Variants in ERN1 observed in about 807,000 individuals in gnomAD.
The protein encoded by ERN1 is endoplasmic reticulum to nucleus signaling 1.
Under a neutral mutation model 113.1 loss-of-function variants are expected in ERN1, and 39 were observed. The ratio of observed to expected loss-of-function variants is 0.34; its 90% confidence interval spans 0.27 to 0.45. The LOEUF is 0.45. Among genes scored for constraint, ERN1 ranks in the 20% least tolerant of loss-of-function variants. The probability of loss-of-function intolerance (pLI) is 1.00; values close to 1 mark genes in which losing one functional copy is unlikely to be tolerated. For missense variants in ERN1, 976 were observed against 1,274.8 expected (o/e 0.77, Z 3.57); for synonymous variants, 507 against 515.9 (o/e 0.98, Z 0.23).
At chr17:64,053,786 AC>A (rs1280358890) in intron 15 of ERN1, among the ~76,000 whole-genome samples, 1 of 152,166 alleles carries the variant, frequency 6.6e-6, no homozygotes, top group Non-Finnish European at 1.5e-5. Flanking sequence ...AGACATGCCA[AC>A]TGCAAGCAGA....
intron 10 of ERN1, among the ~76,000 whole-genome samples, chr17:64,061,301 G>A (rs1265848252): frequency 6.6e-6 from 1 of 152,194 alleles, no homozygotes; most frequent in Non-Finnish European, 1.5e-5. Flanking sequence ...CTAAAAATGA[G>A]TCCACATACT....
intron 1 of ERN1, among the ~76,000 whole-genome samples, chr17:64,104,878 A>C (rs1340122757): frequency 6.6e-6 from 1 of 152,122 alleles, no homozygotes; most frequent in Non-Finnish European, 1.5e-5. Flanking sequence ...CCTCTAAGTC[A>C]ATGGCAAGAT....
chr17:64,119,335 T>C (rs1165395075), intron 1 of ERN1, among the ~76,000 whole-genome samples: 1 of 150,292 alleles, frequency 6.7e-6, no homozygotes, highest in Non-Finnish European at 1.5e-5. Context: ...AATGATATAG[T>C]ACAGTAGAGA....
intron 1 of ERN1, among the ~76,000 whole-genome samples, chr17:64,112,205 T>C (rs1007035660): frequency 1.3e-5 from 2 of 151,804 alleles, no homozygotes; most frequent in African/African-American, 4.8e-5. Flanking sequence ...CCATCTCTAT[T>C]AAATACTCAA....
At chr17:64,047,349 G>T (rs765520717) in intron 19 of ERN1, among the ~76,000 whole-genome samples, 7 of 152,102 alleles carry the variant, frequency 4.6e-5, no homozygotes, top group Admixed American at 1.3e-4. Flanking sequence ...GTAACGGAGT[G>T]AAACGCTGTC....
At chr17:64,050,402 T>C (rs554934488) in intron 17 of ERN1, among the ~76,000 whole-genome samples, 47 of 152,312 alleles carry the variant, frequency 3.1e-4, no homozygotes, top group African/African-American at 9.9e-4. Context: ...CCCAAACTTA[T>C]TATTGCCACT....
At chr17:64,099,066 G>T (rs1914310565) in intron 1 of ERN1, among the ~76,000 whole-genome samples, 3 of 152,016 alleles carry the variant, frequency 2.0e-5, no homozygotes, top group South Asian at 2.1e-4. Flanking sequence ...TACTCATGAC[G>T]TCCCATTTAT....
intron 17 of ERN1, among the ~76,000 whole-genome samples, chr17:64,050,876 G>C (rs1912662048): frequency 6.6e-6 from 1 of 152,172 alleles, no homozygotes; most frequent in Non-Finnish European, 1.5e-5. Context: ...CTGGTCCCCA[G>C]TGAGCTGGAT....
Position 64,047,970 on chromosome 17 carries a change from C to T in ERN1, c.2417G>A (p.Arg806His), listed in dbSNP as rs775768349. 1.9e-5 allele frequency: 30 copies of T among 1,612,152 alleles called. No homozygotes were observed. The highest frequency in any genetic ancestry group is 1.5e-4 in the South Asian group (14 of 90,872). Residue 806 changes from arginine (R) to histidine (H), a missense_variant, in exon 19 of 22, where the codon CGT becomes CAT. Transcript: ENST00000433197. ...HPEKHEDVIARELIEKMIAMD... is the reference protein window; with the variant it reads ...HPEKHEDVIAHELIEKMIAMD... ...CGCAATCATCTTCTCTATCAATTCA[C>T]GTGCAATGACGTCTTCTATAAAGGA...
In ERN1 at chr17:64,049,176, T is replaced by C; in HGVS notation, c.2280A>G (p.Ala760=). Reference sequence around the variant, plus strand: ...AGATTACGTAGTAAAAGACGCAGCCTGCAGAAAAGATGTCCACCGTGTAGG... The same window carrying C: ...AGATTACGTAGTAAAAGACGCAGCCCGCAGAAAAGATGTCCACCGTGTAGG... The part of the protein sequence containing the change: ...NPTYTVDIFS[A]GCVFYYVISE... The change falls in exon 18 of 22, where the codon GCA becomes GCG. Residue 760 remains alanine, a synonymous_variant. Coordinates refer to ENST00000433197, the MANE Select transcript of ERN1 (RefSeq NM_001433.5). The surrounding 1 kb of genome is among the most constrained non-coding windows in gnomAD (Gnocchi z 4.7). The C allele has an allele frequency of 6.2e-7, 1 of 1,601,790 alleles. No individual in the cohort carries two copies. Among genetic ancestry groups the C allele is most frequent in the African/African-American group, 1.3e-5 (1 of 74,756 alleles).
intron 1 of ERN1, among the ~76,000 whole-genome samples, chr17:64,126,932 G>C (rs141177310): frequency 6.6e-6 from 1 of 151,898 alleles, no homozygotes; most frequent in East Asian, 1.9e-4. Context: ...TAAAAAAAAA[G>C]GTACTTTGCC....
chr17:64,078,345 G>A (rs1253372674), intron 4 of ERN1, among the ~76,000 whole-genome samples: 1 of 152,052 alleles, frequency 6.6e-6, no homozygotes, highest in Non-Finnish European at 1.5e-5. Flanking sequence ...CTTCCATTGG[G>A]CTGTCTTTTT....
At chr17:64,119,535 C>T (rs938462317) in intron 1 of ERN1, among the ~76,000 whole-genome samples, 4 of 151,156 alleles carry the variant, frequency 2.6e-5, no homozygotes, top group Admixed American at 2.0e-4. Flanking sequence ...ATTACAGGCA[C>T]GCGCCACCAC....
At chr17:64,115,703 T>C (rs1381295673) in intron 1 of ERN1, among the ~76,000 whole-genome samples, 2 of 152,170 alleles carry the variant, frequency 1.3e-5, no homozygotes, top group African/African-American at 2.4e-5. Context: ...GTCTGGAACA[T>C]ATAGATGCTT....
intron 1 of ERN1, among the ~76,000 whole-genome samples, chr17:64,103,506 A>C (rs1470086902): frequency 6.6e-6 from 1 of 151,850 alleles, no homozygotes; most frequent in Non-Finnish European, 1.5e-5. Flanking sequence ...CAAAAAAAAA[A>C]AAAAAAAAGC....
At chr17:64,102,774 C>A in intron 1 of ERN1, 6 of 985,338 alleles carry the variant, frequency 6.1e-6, no homozygotes, top group Non-Finnish European at 7.2e-6. Context: ...AGCAACATAC[C>A]CTACGGCACA....
At chr17:64,088,561 AC>A in intron 2 of ERN1, among the ~76,000 whole-genome samples, 1 of 152,274 alleles carries the variant, frequency 6.6e-6, no homozygotes, top group East Asian at 1.9e-4. Context: ...AGGACTGACA[AC>A]CCTGCTACTA....
chr17:64,079,883 C>A, intron 3 of ERN1, 149 bp from the exon 4 acceptor site: 1 of 608,588 alleles, frequency 1.6e-6, no homozygotes. Context: ...CAATTCCACC[C>A]ACTACTCTCT....
chr17:64,088,705 C>T lies in ERN1; in HGVS notation c.176-7897G>A, dbSNP rs145400795. Among the ~76,000 whole-genome samples the T allele has an allele frequency of 1.2e-4, 19 of 152,324 alleles. 1 individual carries two copies. Among genetic ancestry groups the T allele is most frequent in the Admixed American group, 9.8e-4 (15 of 15,306 alleles). The stretch of plus-strand genomic sequence containing the variant: ...TGGTTTGAGTTACGAAGCTAATACA[C>T]ATGAACCACACATAACGAACTGCTA... On this transcript the variant is annotated intron_variant, in intron 2 of 21. Coordinates refer to ENST00000433197, the MANE Select transcript of ERN1 (RefSeq NM_001433.5).
Sources: allele counts gnomAD v4.1 joint callset (sites outside exome capture counted in the v4.1 genomes callset), GRCh38; gene constraint gnomAD v4.1.1; non-coding constraint Gnocchi (gnomAD v3.1); transcripts MANE v1.5; gene names NCBI Gene and HGNC (gene_info 2026-07-23, HGNC 2026-07-21).